Variants in VEGFC observed in about 807,000 individuals in gnomAD.
VEGFC encodes vascular endothelial growth factor C.
A neutral mutation model predicts 46.1 loss-of-function variants in VEGFC; 12 were observed. The ratio of observed to expected loss-of-function variants is 0.26; its 90% confidence interval spans 0.17 to 0.42. The LOEUF is 0.42. Among genes scored for constraint, VEGFC ranks in the 10% least tolerant of loss-of-function variants. The pLI, the probability that VEGFC is intolerant of heterozygous loss-of-function variation, is 1.00. For missense variants in VEGFC, 488 were observed against 529.4 expected, an observed-to-expected ratio of 0.92 and a Z score of 0.77; for synonymous variants, 232 against 195.5, an observed-to-expected ratio of 1.19 and a Z score of -1.56.
At chr4:176,750,292 A>C (rs1167576106) in intron 1 of VEGFC, among the ~76,000 whole-genome samples, 1 of 151,776 alleles carries the variant, frequency 6.6e-6, no homozygotes, top group East Asian at 1.9e-4. Context: ...TGGATTTATC[A>C]AACTCACATA....
chr4:176,709,331 G>A (rs895490343), intron 4 of VEGFC, among the ~76,000 whole-genome samples: 1 of 152,214 alleles, frequency 6.6e-6, no homozygotes, highest in Non-Finnish European at 1.5e-5. Flanking sequence ...AATGGCTCAA[G>A]TATTTTTGAG....
chr4:176,725,448 C>T (rs1734857361), intron 3 of VEGFC, among the ~76,000 whole-genome samples: 1 of 152,010 alleles, frequency 6.6e-6, no homozygotes, highest in Admixed American at 6.6e-5. Context: ...AGACCACAGG[C>T]GTGAGCCACC....
chr4:176,699,402 T>A (rs1560938047), intron 4 of VEGFC, among the ~76,000 whole-genome samples: 1 of 152,240 alleles, frequency 6.6e-6, no homozygotes. Context: ...ACAATCTTGA[T>A]AAATACCAAA....
intron 1 of VEGFC, among the ~76,000 whole-genome samples, chr4:176,790,827 A>C (rs1198497246): frequency 1.3e-5 from 2 of 152,228 alleles, no homozygotes; most frequent in African/African-American, 4.8e-5. Context: ...GTATTTAAGA[A>C]CAGAAAGATA....
intron 1 of VEGFC, among the ~76,000 whole-genome samples, chr4:176,740,571 G>T (rs688731): frequency 0.063 from 8,980 of 142,948 alleles, 629 homozygotes; most frequent in African/African-American, 0.17. Context: ...TCTATATATA[G>T]AGAGAGAATA....
chr4:176,771,345 G>A (rs1166209373), intron 1 of VEGFC, among the ~76,000 whole-genome samples: 2 of 152,054 alleles, frequency 1.3e-5, no homozygotes, highest in Non-Finnish European at 2.9e-5. Flanking sequence ...TATAATAGCT[G>A]TTTTCTGCCA....
In VEGFC at chr4:176,729,459, TTAAAGA is replaced by T. The variant is rs1734924438; in HGVS notation, c.361+68_361+73del. On this transcript the variant is annotated intron_variant, in intron 2 of 6. Transcript: ENST00000618562. ...GTATTCGGTGATACAAACACTGAAATTAAAGAACCAGGCTGGCAACTTCTACTGGTT... is the reference window on the plus strand; with the variant it reads ...GTATTCGGTGATACAAACACTGAAATACCAGGCTGGCAACTTCTACTGGTT... 5 of 1,281,704 alleles carry T rather than the reference TTAAAGA, an allele frequency of 3.9e-6. No individual in the cohort carries two copies. In the African/African-American group the frequency reaches 6.3e-5, roughly 16 times the overall value. The allele number at this position is 1,281,704 out of a possible 1,614,324, so 79.4% of individuals were successfully genotyped here.
At chr4:176,765,554 T>C (rs937919311) in intron 1 of VEGFC, among the ~76,000 whole-genome samples, 1 of 147,342 alleles carries the variant, frequency 6.8e-6, no homozygotes, top group Non-Finnish European at 1.5e-5. Context: ...GACAGAATTT[T>C]TTTTTTTTTT....
intron 1 of VEGFC, among the ~76,000 whole-genome samples, chr4:176,754,783 T>C (rs1735404343): frequency 6.6e-6 from 1 of 152,018 alleles, no homozygotes; most frequent in Non-Finnish European, 1.5e-5. Context: ...ACAGGTAGAT[T>C]TGAGTTATCA....
intron 1 of VEGFC, among the ~76,000 whole-genome samples, chr4:176,735,481 A>T (rs1372392849): frequency 6.6e-6 from 1 of 151,948 alleles, no homozygotes; most frequent in Non-Finnish European, 1.5e-5. Flanking sequence ...AAAGAAGAAG[A>T]CAAAAAAATT....
intron 1 of VEGFC, among the ~76,000 whole-genome samples, chr4:176,777,562 A>G (rs978651668): frequency 1.3e-5 from 2 of 152,186 alleles, no homozygotes; most frequent in Admixed American, 1.3e-4. Context: ...ACTGGCTTAT[A>G]GGCAATAACT....
intron 1 of VEGFC, among the ~76,000 whole-genome samples, chr4:176,782,688 G>A (rs1017224790): frequency 2.6e-5 from 4 of 152,134 alleles, no homozygotes; most frequent in South Asian, 2.1e-4. Context: ...CTTTTAAAAA[G>A]ATGATACAGT....
At chr4:176,727,536 G>T (rs899442870) in intron 3 of VEGFC, among the ~76,000 whole-genome samples, 4 of 152,078 alleles carry the variant, frequency 2.6e-5, no homozygotes, top group African/African-American at 9.7e-5. Flanking sequence ...TCTGCATGAG[G>T]CTTTGACTCC....
At chr4:176,716,036 T>C (rs1423205203) in intron 3 of VEGFC, among the ~76,000 whole-genome samples, 1 of 152,180 alleles carries the variant, frequency 6.6e-6, no homozygotes, top group Non-Finnish European at 1.5e-5. Context: ...ATAATGGTGA[T>C]TTCAGTGTAA....
At chr4:176,787,456 C>CAA (rs11456080) in intron 1 of VEGFC, among the ~76,000 whole-genome samples, 22,116 of 113,716 alleles carry the variant, frequency 0.19, 2,497 homozygotes, top group Non-Finnish European at 0.25. Context: ...GACCCTGTCT[C>CAA]AAAAAAAAAA....
intron 4 of VEGFC, among the ~76,000 whole-genome samples, chr4:176,706,478 T>C (rs190869582): frequency 2.7e-4 from 41 of 151,654 alleles, no homozygotes; most frequent in African/African-American, 9.4e-4. Context: ...AATACAAAAA[T>C]TAACCAGGCA....
chr4:176,727,684 T>A, intron 3 of VEGFC, 94 bp downstream of exon 3: 1 of 1,356,158 alleles, frequency 7.4e-7, no homozygotes, highest in Non-Finnish European at 9.8e-7. Flanking sequence ...ACCAAGTTAG[T>A]TTAAAGCAAC....
At chr4:176,774,331 T>A (rs942568229) in intron 1 of VEGFC, among the ~76,000 whole-genome samples, 2 of 152,074 alleles carry the variant, frequency 1.3e-5, no homozygotes, top group African/African-American at 2.4e-5. Flanking sequence ...TTATGAGAAT[T>A]AACTTTATGA....
intron 4 of VEGFC, 152 bp downstream of exon 4, chr4:176,711,347 G>C (rs760511238): frequency 4.0e-5 from 33 of 824,192 alleles, no homozygotes; most frequent in Non-Finnish European, 5.5e-5. Context: ...TATTTTCATT[G>C]TATACTATAC....
Sources: allele counts gnomAD v4.1 joint callset (sites outside exome capture counted in the v4.1 genomes callset), GRCh38; gene constraint gnomAD v4.1.1; transcripts MANE v1.5; gene names NCBI Gene and HGNC (gene_info 2026-07-23, HGNC 2026-07-21).